UBASH3B: variants seen among roughly 807,000 people sequenced by gnomAD.
UBASH3B encodes ubiquitin-associated and SH3 domain-containing protein B.
In UBASH3B, 37 loss-of-function variants were observed where a neutral mutation model predicts 83.4. The observed-to-expected ratio is 0.44, with a 90% CI of 0.34 to 0.58. The LOEUF (loss-of-function observed/expected upper bound fraction) is 0.58. UBASH3B is among the 20% of genes least tolerant of loss of function. UBASH3B has a pLI of 0.01. For missense variants in UBASH3B, 657 were observed against 827.2 expected (o/e 0.79, Z 2.52); for synonymous variants, 304 against 318.3 (o/e 0.96, Z 0.48).
In UBASH3B at chr11:122,759,996, C is replaced by T. The variant is rs113284953; in HGVS notation, c.162-16223C>T. Among the ~76,000 whole-genome samples the T allele has an allele frequency of 9.5e-3, 1,447 of 152,294 alleles. 26 individuals carry two copies. The highest frequency in any genetic ancestry group is 0.033 in the African/African-American group (1,368 of 41,562). On this transcript the variant is annotated intron_variant, in intron 1 of 13. Coordinates refer to ENST00000284273, the MANE Select transcript of UBASH3B (RefSeq NM_032873.5). This position sits in a 1 kb window ranked among gnomAD's most constrained non-coding sequence, Gnocchi z 4.1. ...GAGTGAACACCAGAAGTTAGGATTACTAAGGTGTCACCAAGGGTCTGTCTG... is the reference window on the plus strand; with the variant it reads ...GAGTGAACACCAGAAGTTAGGATTATTAAGGTGTCACCAAGGGTCTGTCTG...
intron 1 of UBASH3B, among the ~76,000 whole-genome samples, chr11:122,732,626 C>T (rs1005105435): frequency 5.9e-5 from 9 of 152,124 alleles, no homozygotes; most frequent in Non-Finnish European, 1.0e-4. Flanking sequence ...TGTAGCCCCA[C>T]GTATTTCCTG....
At chr11:122,724,897 T>A (rs1860704918) in intron 1 of UBASH3B, among the ~76,000 whole-genome samples, 1 of 152,154 alleles carries the variant, frequency 6.6e-6, no homozygotes, top group African/African-American at 2.4e-5. Flanking sequence ...GAAAGGCACT[T>A]GGGACTCACT....
chr11:122,673,338 C>A (rs1360468906), intron 1 of UBASH3B, among the ~76,000 whole-genome samples: 2 of 152,100 alleles, frequency 1.3e-5, no homozygotes, highest in Non-Finnish European at 2.9e-5. Context: ...CTTAGCCAAC[C>A]TTTAACTCCT....
Position 122,688,975 on chromosome 11 carries a change from AGGC to A in UBASH3B, c.161+32768_161+32770del, listed in dbSNP as rs1196774282. Among the ~76,000 whole-genome samples the A allele has an allele frequency of 2.8e-3, 16 of 5,660 alleles. No homozygotes were observed. In the Admixed American group the frequency reaches 0.032, roughly 11 times the overall value. The allele number at this position is 5,660 out of a possible 152,430, so 3.7% of individuals were successfully genotyped here. A position where few individuals can be genotyped will look rare whatever the true frequency, so the allele number is the denominator to read the frequency against. On this transcript the variant is annotated intron_variant, in intron 1 of 13. Transcript: ENST00000284273. ...TGTATTTTTACTAGAGACGGCGGGG[AGGC>A]GGGGGGGGGGGGGGTTCCACCATAT...
At chr11:122,771,920 G>T (rs1484661503) in intron 1 of UBASH3B, among the ~76,000 whole-genome samples, 1 of 152,160 alleles carries the variant, frequency 6.6e-6, no homozygotes, top group African/African-American at 2.4e-5. Context: ...CTCATTGCCT[G>T]TTCCACATTG....
intron 1 of UBASH3B, among the ~76,000 whole-genome samples, chr11:122,721,219 T>C (rs1313373215): frequency 7.7e-6 from 1 of 130,176 alleles, no homozygotes; most frequent in Non-Finnish European, 1.5e-5. Context: ...CACTCCAGTC[T>C]GGGCAACAGA....
At chr11:122,707,733 C>G (rs1039266371) in intron 1 of UBASH3B, among the ~76,000 whole-genome samples, 1 of 152,022 alleles carries the variant, frequency 6.6e-6, no homozygotes, top group African/African-American at 2.4e-5. Flanking sequence ...GAGTCTCGCT[C>G]TGTTACCCAG....
In UBASH3B at chr11:122,656,274, G is replaced by T. The variant is rs928219223; in HGVS notation, c.161+64G>T. 13 of 1,298,844 alleles carry T rather than the reference G, an allele frequency of 1.0e-5. No individual in the cohort carries two copies. The East Asian group carries it at 4.1e-4, about 41-fold the overall frequency. 80.5% of individuals were successfully genotyped at this position (1,298,844 alleles called of 1,614,324 possible). The stretch of plus-strand genomic sequence containing the variant: ...GCGCGCGCGGCCGGCCCTCGGCTTC[G>T]CTCCGGCTCGCCTCCCAGCGCCTGC... On this transcript the variant is annotated intron_variant, in intron 1 of 13. Coordinates refer to ENST00000284273, the MANE Select transcript of UBASH3B (RefSeq NM_032873.5).
rs1861303249 is a variant in UBASH3B at position 122,757,695 on chromosome 11, A to T, written c.162-18524A>T. Among the ~76,000 whole-genome samples the T allele has an allele frequency of 2.7e-5, 4 of 149,514 alleles. No individual in the cohort carries two copies. The South Asian group carries it at 8.5e-4, about 32-fold the overall frequency. On this transcript the variant is annotated intron_variant, in intron 1 of 13. Transcript: ENST00000284273. ...TGCTCAGAAGCCCAATGGGAAGACA[A>T]GACCTTCTTTTCCCTTTTTTTTTTT...
At chr11:122,701,411 G>A (rs1467947070) in intron 1 of UBASH3B, among the ~76,000 whole-genome samples, 2 of 152,224 alleles carry the variant, frequency 1.3e-5, no homozygotes, top group Non-Finnish European at 2.9e-5. Context: ...TTATTAATGA[G>A]AACGAGGCTC....
At chr11:122,763,882 G>C (rs995667299) in intron 1 of UBASH3B, among the ~76,000 whole-genome samples, 1 of 152,238 alleles carries the variant, frequency 6.6e-6, no homozygotes, top group African/African-American at 2.4e-5. Context: ...GAAGGCTAGG[G>C]GAGAGGGGGC....
rs1555137188 is a variant in UBASH3B at position 122,699,566 on chromosome 11, T to TTTCTTTCTTTCC, written c.161+43366_161+43367insCCTTCTTTCTTT. 1.9e-3 allele frequency among the ~76,000 whole-genome samples: 262 copies of TTTCTTTCTTTCC among 135,746 alleles called. 3 individuals carry two copies. The East Asian group carries it at 0.032, about 17-fold the overall frequency. The allele number at this position is 135,746 out of a possible 152,430, so 89.1% of individuals were successfully genotyped here. On this transcript the variant is annotated intron_variant, in intron 1 of 13. Transcript: ENST00000284273. ...CTTTCTTTCTTTCTTTCTTTCTTTCTTTCTTTCTTTTCTTTCTTTCCTTTC... is the reference window on the plus strand; with the variant it reads ...CTTTCTTTCTTTCTTTCTTTCTTTCTTTCTTTCTTTCCTTCTTTCTTTTCTTTCTTTCCTTTC...
intron 6 of UBASH3B, among the ~76,000 whole-genome samples, chr11:122,794,244 C>T (rs551649301): frequency 4.6e-5 from 7 of 152,014 alleles, no homozygotes; most frequent in Non-Finnish European, 8.8e-5. Flanking sequence ...TTCGCCGTAT[C>T]GCCCGGGCTG....
At chr11:122,661,352 G>A (rs1863435439) in intron 1 of UBASH3B, among the ~76,000 whole-genome samples, 1 of 152,212 alleles carries the variant, frequency 6.6e-6, no homozygotes, top group Non-Finnish European at 1.5e-5. Context: ...AGCGGCATGT[G>A]GAGCCCATGA....
In UBASH3B at chr11:122,783,033, C is replaced by T; in HGVS notation, c.602-20C>T. 1 of 1,605,824 alleles carries T rather than the reference C, an allele frequency of 6.2e-7. No individual in the cohort carries two copies. The highest frequency in any genetic ancestry group is 8.5e-7 in the Non-Finnish European group (1 of 1,176,400). ...TCATCACCACCTTTTAATTACTGAC[C>T]TTTTTCTTCCTTTTTCCAGAAGTGC... On this transcript the variant is annotated intron_variant, in intron 4 of 13. Coordinates refer to ENST00000284273, the MANE Select transcript of UBASH3B (RefSeq NM_032873.5).
chr11:122,787,611 T>A (rs1860977998), intron 5 of UBASH3B, among the ~76,000 whole-genome samples: 1 of 152,156 alleles, frequency 6.6e-6, no homozygotes, highest in Admixed American at 6.5e-5. Context: ...TTCACAGGCC[T>A]ACCCAGCACA....
chr11:122,777,039 C>T lies in UBASH3B; in HGVS notation c.231C>T (p.Val77=), dbSNP rs148481644. 205 of 1,609,496 alleles carry T rather than the reference C, an allele frequency of 1.3e-4. No individual in the cohort carries two copies. The African/African-American group carries it at 2.0e-3, about 15-fold the overall frequency. The change falls in exon 3 of 14, where the codon GTC becomes GTT. Residue 77 remains valine, a synonymous_variant. Transcript: ENST00000284273. ...QAACDWLFSH[V]GDPFLDDPLP... is the part of the protein sequence containing the mutation. Reference sequence around the variant, plus strand: ...TGTCTTACAGGTTATTCTCCCATGTCGGTGACCCCTTCCTGGATGACCCCC... The same window carrying T: ...TGTCTTACAGGTTATTCTCCCATGTTGGTGACCCCTTCCTGGATGACCCCC...
intron 4 of UBASH3B, among the ~76,000 whole-genome samples, chr11:122,781,525 G>A (rs930803989): frequency 3.3e-5 from 5 of 152,230 alleles, no homozygotes; most frequent in Non-Finnish European, 4.4e-5. Context: ...CGCGGGTGGA[G>A]CCAATTCCTC....
chr11:122,665,384 G>A (rs141570131), intron 1 of UBASH3B, among the ~76,000 whole-genome samples: 1 of 152,006 alleles, frequency 6.6e-6, no homozygotes, highest in African/African-American at 2.4e-5. Context: ...TAGAGATGGG[G>A]GTCTCACTAC....
Sources: gnomAD v4.1 joint callset for allele counts (sites outside exome capture counted in the v4.1 genomes callset) on GRCh38, gnomAD v4.1.1 for gene constraint, Gnocchi (gnomAD v3.1) non-coding constraint, MANE v1.5 for transcripts, NCBI Gene and HGNC (gene_info 2026-07-23, HGNC 2026-07-21) for gene names.